GALNT18: variants seen among roughly 807,000 people sequenced by gnomAD.
GALNT18 encodes GalNAc-transferase 18.
Under a neutral mutation model 69.5 loss-of-function variants are expected in GALNT18, and 44 were observed. That is an observed-to-expected ratio of 0.63 (90% CI 0.50 to 0.81). The LOEUF (loss-of-function observed/expected upper bound fraction) is 0.81. Among genes scored for constraint, GALNT18 ranks in the 40% least tolerant of loss-of-function variants. The pLI is 0.00. For missense variants in GALNT18, 715 were observed against 810.0 expected (o/e 0.88, Z 1.42); for synonymous variants, 364 against 318.2 (o/e 1.14, Z -1.53).
At chr11:11,486,505 A>G (rs1021197904) in intron 1 of GALNT18, among the ~76,000 whole-genome samples, 9 of 152,264 alleles carry the variant, frequency 5.9e-5, no homozygotes, top group Non-Finnish European at 1.5e-5. Flanking sequence ...TACTTAAAAA[A>G]TAATTCATAG....
rs2133851952 is a variant in GALNT18 at position 11,469,854 on chromosome 11, C to T, written c.236-20918G>A. On this transcript the variant is annotated intron_variant, in intron 1 of 10. Transcript: ENST00000227756. This position sits in a 1 kb window ranked among gnomAD's most constrained non-coding sequence, Gnocchi z 4.2. ...CCAAGGACCCCCTCAGCCTGTCTTC[C>T]ACTCAGCTCCATTGGAGAAGAGCAT... Among the ~76,000 whole-genome samples the T allele has an allele frequency of 6.6e-6, 1 of 152,280 alleles. No individual in the cohort carries two copies. Among genetic ancestry groups the T allele is most frequent in the African/African-American group, 2.4e-5 (1 of 41,552 alleles).
At chr11:11,514,479 A>T (rs1857226742) in intron 1 of GALNT18, among the ~76,000 whole-genome samples, 1 of 152,190 alleles carries the variant, frequency 6.6e-6, no homozygotes, top group Admixed American at 6.5e-5. Flanking sequence ...GGCATCTCTG[A>T]GCGTGAATAA....
rs1476253647 is a variant in GALNT18 at position 11,337,825 on chromosome 11, G to C, written c.1278+2994C>G. ...CAACGTATGCAGACTTCAAAACAGG[G>C]AGTGGTAGGCAGTGGGATTAAAATA... On this transcript the variant is annotated intron_variant, in intron 7 of 10. Coordinates refer to ENST00000227756, the MANE Select transcript of GALNT18 (RefSeq NM_198516.3). This position sits in a 1 kb window ranked among gnomAD's most constrained non-coding sequence, Gnocchi z 4.9. Among the ~76,000 whole-genome samples, 1 of 152,126 alleles carries C rather than the reference G, an allele frequency of 6.6e-6. No homozygotes were observed. Among genetic ancestry groups the C allele is most frequent in the Non-Finnish European group, 1.5e-5 (1 of 68,028 alleles).
At chr11:11,483,525 A>G (rs6484946) in intron 1 of GALNT18, among the ~76,000 whole-genome samples, 150,733 of 152,330 alleles carry the variant, frequency 0.99, 74,594 homozygotes, top group Middle Eastern at 1. Context: ...CATTCTGGAG[A>G]AGCCAATGGC....
intron 1 of GALNT18, among the ~76,000 whole-genome samples, chr11:11,519,693 C>T (rs1857353337): frequency 6.6e-6 from 1 of 152,200 alleles, no homozygotes; most frequent in Admixed American, 6.5e-5. Context: ...CACCACCTTC[C>T]AGGCACTCTC....
chr11:11,308,961 G>T (rs1255008810), intron 9 of GALNT18, among the ~76,000 whole-genome samples: 1 of 152,058 alleles, frequency 6.6e-6, no homozygotes. Flanking sequence ...ATACTCCATT[G>T]CCCTACTTTT....
In GALNT18 at chr11:11,596,298, C is replaced by T. The variant is rs888618573; in HGVS notation, c.235+25061G>A. On this transcript the variant is annotated intron_variant, in intron 1 of 10. Transcript: ENST00000227756. The surrounding 1 kb of genome is among the most constrained non-coding windows in gnomAD (Gnocchi z 4.2). ...CCTTAATTACTGTAGCTTCACAGTA[C>T]ATTTTCAGATCAAAAAAATGTGAGT... is the stretch of plus-strand genomic sequence containing the variant. 1.3e-5 allele frequency among the ~76,000 whole-genome samples: 2 copies of T among 152,148 alleles called. No individual in the cohort carries two copies. The highest frequency in any genetic ancestry group is 2.4e-5 in the African/African-American group (1 of 41,442).
rs1028583448 is a variant in GALNT18 at position 11,470,295 on chromosome 11, T to G, written c.236-21359A>C. On this transcript the variant is annotated intron_variant, in intron 1 of 10. Transcript: ENST00000227756. This position sits in a 1 kb window ranked among gnomAD's most constrained non-coding sequence, Gnocchi z 4.8. The stretch of plus-strand genomic sequence containing the variant: ...GTTAAGACCCAGGCACCAAGGGACA[T>G]CCACATTCTGTCTCTACATAGTCCT... Among the ~76,000 whole-genome samples the G allele has an allele frequency of 6.6e-6, 1 of 152,198 alleles. No individual in the cohort carries two copies. Among genetic ancestry groups the G allele is most frequent in the African/African-American group, 2.4e-5 (1 of 41,446 alleles).
rs1565026023 is a variant in GALNT18, at chr11:11,582,572, T to C, written c.235+38787A>G. On this transcript the variant is annotated intron_variant, in intron 1 of 10. Coordinates refer to ENST00000227756, the MANE Select transcript of GALNT18 (RefSeq NM_198516.3). The surrounding 1 kb of genome is among the most constrained non-coding windows in gnomAD (Gnocchi z 5.0). ...TGTTCTCTTTTCCTCTGCCACAAGA[T>C]GGAAACAATAGCTGCTCCCTCAGCC... Among the ~76,000 whole-genome samples, 1 of 152,216 alleles carries C rather than the reference T, an allele frequency of 6.6e-6. No homozygotes were observed. Among genetic ancestry groups the C allele is most frequent in the Non-Finnish European group, 1.5e-5 (1 of 68,042 alleles).
Position 11,414,663 on chromosome 11 carries a change from T to C in GALNT18, c.595+17958A>G, listed in dbSNP as rs546722926. Among the ~76,000 whole-genome samples, 15 of 152,308 alleles carry C rather than the reference T, an allele frequency of 9.8e-5. No homozygotes were observed. In the East Asian group the frequency reaches 2.7e-3, roughly 27 times the overall value. On this transcript the variant is annotated intron_variant, in intron 3 of 10. Transcript: ENST00000227756. The stretch of plus-strand genomic sequence containing the variant: ...TTATGGCCTGTAATAATTTCATTTG[T>C]TTCTTGTCTGTCTCCCACACTACGC...
At chr11:11,468,539 T>TG (rs1034870136) in intron 1 of GALNT18, among the ~76,000 whole-genome samples, 1 of 98,040 alleles carries the variant, frequency 1.0e-5, no homozygotes, top group East Asian at 4.2e-4. Context: ...GAGAAACAGA[T>TG]GGAAAAAAAA....
At chr11:11,537,365 G>GAA (rs10718472) in intron 1 of GALNT18, among the ~76,000 whole-genome samples, 7 of 151,936 alleles carry the variant, frequency 4.6e-5, no homozygotes, top group Middle Eastern at 3.2e-3. Flanking sequence ...ACAAGTCAGG[G>GAA]AAAAAAAAAT....
At chr11:11,365,114 C>A (rs1027292097) in intron 6 of GALNT18, among the ~76,000 whole-genome samples, 1 of 151,996 alleles carries the variant, frequency 6.6e-6, no homozygotes, top group Admixed American at 6.6e-5. Context: ...GTTTGCTGCA[C>A]CTATGGACCC....
At chr11:11,374,025 A>C (rs894738045) in intron 5 of GALNT18, among the ~76,000 whole-genome samples, 3 of 152,210 alleles carry the variant, frequency 2.0e-5, no homozygotes, top group Non-Finnish European at 4.4e-5. Flanking sequence ...GAATGCAGAT[A>C]CAGGAGACTT....
chr11:11,479,107 G>T (rs1430687092), intron 1 of GALNT18, among the ~76,000 whole-genome samples: 1 of 152,152 alleles, frequency 6.6e-6, no homozygotes, highest in Non-Finnish European at 1.5e-5. Context: ...CCTAATTTCT[G>T]GTTGCCTTGA....
chr11:11,589,460 C>T (rs1565029871), intron 1 of GALNT18, among the ~76,000 whole-genome samples: 1 of 145,114 alleles, frequency 6.9e-6, no homozygotes, highest in Non-Finnish European at 1.5e-5. Context: ...AAAAATGACT[C>T]CAAATATGAA....
rs183892657 is a variant in GALNT18 at position 11,613,255 on chromosome 11, C to A, written c.235+8104G>T. Among the ~76,000 whole-genome samples the A allele has an allele frequency of 1.6e-3, 248 of 152,276 alleles. 1 individual carries two copies. Among genetic ancestry groups the A allele is most frequent in the African/African-American group, 5.7e-3 (238 of 41,552 alleles). On this transcript the variant is annotated intron_variant, in intron 1 of 10. Coordinates refer to ENST00000227756, the MANE Select transcript of GALNT18 (RefSeq NM_198516.3). This position sits in a 1 kb window ranked among gnomAD's most constrained non-coding sequence, Gnocchi z 4.2. The stretch of plus-strand genomic sequence containing the variant: ...TGGCTGCACTGGAACTACAGGGGAT[C>A]TATAAAAGGTATACAGATCCACAGA...
At chr11:11,539,681 C>A (rs1857867355) in intron 1 of GALNT18, among the ~76,000 whole-genome samples, 1 of 152,192 alleles carries the variant, frequency 6.6e-6, no homozygotes. Context: ...CCGCTTCTCA[C>A]CTGCAAGCTA....
In GALNT18 at chr11:11,436,629, C is replaced by T. The variant is rs1431782285; in HGVS notation, c.429-3842G>A. Among the ~76,000 whole-genome samples the T allele has an allele frequency of 2.0e-5, 3 of 152,236 alleles. No individual in the cohort carries two copies. The highest frequency in any genetic ancestry group is 4.8e-5 in the African/African-American group (2 of 41,474). On this transcript the variant is annotated intron_variant, in intron 2 of 10. Coordinates refer to ENST00000227756, the MANE Select transcript of GALNT18 (RefSeq NM_198516.3). This position sits in a 1 kb window ranked among gnomAD's most constrained non-coding sequence, Gnocchi z 4.5. ...TTCCACAAAACACACGTTCATGCCA[C>T]ATCATGACACGGTCTGTAGTTCGTA...
Sources: gnomAD v4.1 joint callset for allele counts (sites outside exome capture counted in the v4.1 genomes callset) on GRCh38, gnomAD v4.1.1 for gene constraint, Gnocchi (gnomAD v3.1) non-coding constraint, MANE v1.5 for transcripts, NCBI Gene and HGNC (gene_info 2026-07-23, HGNC 2026-07-21) for gene names.